Variants in NEDD9 observed in about 807,000 individuals in gnomAD.
NEDD9 encodes the protein neural precursor cell expressed, developmentally down-regulated 9.
In NEDD9, 26 loss-of-function variants were observed where a neutral mutation model predicts 76.6. The observed-to-expected ratio is 0.34, with a 90% CI of 0.25 to 0.47. The LOEUF (loss-of-function observed/expected upper bound fraction) is 0.47. Ranked by LOEUF, NEDD9 falls within the 20% of genes least tolerant of loss-of-function variation. The pLI, the probability that NEDD9 is intolerant of heterozygous loss-of-function variation, is 1.00. For missense variants in NEDD9, 937 were observed against 1,058.5 expected, an observed-to-expected ratio of 0.89 and a Z score of 1.59; for synonymous variants, 392 against 414.2, an observed-to-expected ratio of 0.95 and a Z score of 0.65.
chr6:11,283,433 A>G (rs1760578692), intron 3 of NEDD9, among the ~76,000 whole-genome samples: 1 of 152,202 alleles, frequency 6.6e-6, no homozygotes, highest in Admixed American at 6.5e-5. Context: ...GAATGAATGA[A>G]TGAATGGCTC....
At chr6:11,323,641 A>G (rs1255667600) in intron 2 of NEDD9, among the ~76,000 whole-genome samples, 2 of 152,208 alleles carry the variant, frequency 1.3e-5, no homozygotes, top group African/African-American at 2.4e-5. Flanking sequence ...TCTGGCCCCA[A>G]ATGTTCATGG....
At chr6:11,353,257 G>A (rs535552100) in intron 1 of NEDD9, among the ~76,000 whole-genome samples, 7 of 152,182 alleles carry the variant, frequency 4.6e-5, no homozygotes, top group African/African-American at 1.2e-4. Flanking sequence ...TTGCACCTGC[G>A]AATGTGACTT....
chr6:11,274,814 T>A (rs1561813217), intron 3 of NEDD9, among the ~76,000 whole-genome samples: 1 of 152,174 alleles, frequency 6.6e-6, no homozygotes, highest in Admixed American at 6.5e-5. Context: ...GGGAAATTCC[T>A]CAAAAAATTA....
intron 3 of NEDD9, among the ~76,000 whole-genome samples, chr6:11,300,742 A>G (rs1159702270): frequency 6.6e-6 from 1 of 152,224 alleles, no homozygotes; most frequent in Non-Finnish European, 1.5e-5. Flanking sequence ...TTCAACCCAG[A>G]ATCTCATATC....
At chr6:11,300,716 C>A (rs1029080765) in intron 3 of NEDD9, among the ~76,000 whole-genome samples, 1 of 152,196 alleles carries the variant, frequency 6.6e-6, no homozygotes, top group Non-Finnish European at 1.5e-5. Flanking sequence ...ATTCAACATT[C>A]TTAAAGAAAA....
Position 11,380,942 on chromosome 6 carries a change from G to A in NEDD9, c.-214+1197C>T, listed in dbSNP as rs557259992. Among the ~76,000 whole-genome samples the A allele has an allele frequency of 2.6e-5, 4 of 152,224 alleles. No homozygotes were observed. In the East Asian group the frequency reaches 5.8e-4, roughly 22 times the overall value. Reference sequence around the variant, plus strand: ...TCCCGCCTTAGCCTCCTGCATAGCCGGGACTATAGGCATACACCACCGTGC... The same window carrying A: ...TCCCGCCTTAGCCTCCTGCATAGCCAGGACTATAGGCATACACCACCGTGC... On this transcript the variant is annotated intron_variant, in intron 1 of 3. Transcript: ENST00000397378.
At chr6:11,327,352 G>A (rs1761948765) in intron 2 of NEDD9, among the ~76,000 whole-genome samples, 1 of 152,204 alleles carries the variant, frequency 6.6e-6, no homozygotes, top group African/African-American at 2.4e-5. Flanking sequence ...CAGAACTTTT[G>A]TCAGCATTGA....
At chr6:11,338,920 CAAA>C (rs34260918) in intron 1 of NEDD9, among the ~76,000 whole-genome samples, 2 of 77,562 alleles carry the variant, frequency 2.6e-5, no homozygotes, top group Non-Finnish European at 3.1e-5. Context: ...GACTCTGTCT[CAAA>C]AAAAAAAAAA....
At chr6:11,297,673 A>C (rs1760930197) in intron 3 of NEDD9, among the ~76,000 whole-genome samples, 1 of 152,188 alleles carries the variant, frequency 6.6e-6, no homozygotes, top group South Asian at 2.1e-4. Flanking sequence ...ATGTGCTATA[A>C]AACTCAGGAA....
chr6:11,232,745 A>T, upstream of NEDD9: 1 of 1,413,572 alleles, frequency 7.1e-7, no homozygotes, highest in Non-Finnish European at 9.2e-7. Flanking sequence ...TAGTGGGACA[A>T]GGTAATGCTC....
chr6:11,297,171 G>A (rs1288063361), intron 3 of NEDD9, among the ~76,000 whole-genome samples: 1 of 145,390 alleles, frequency 6.9e-6, no homozygotes, highest in African/African-American at 2.5e-5. Flanking sequence ...TTCTGAGCCA[G>A]CCCCTTTATT....
intron 3 of NEDD9, among the ~76,000 whole-genome samples, chr6:11,282,760 C>G (rs1281999824): frequency 6.6e-6 from 1 of 152,228 alleles, no homozygotes; most frequent in African/African-American, 2.4e-5. Flanking sequence ...ATATCTCTCT[C>G]CTGAGCTACG....
intron 3 of NEDD9, among the ~76,000 whole-genome samples, chr6:11,259,932 C>T (rs1760074218): frequency 1.5e-4 from 2 of 13,010 alleles, no homozygotes; most frequent in South Asian, 3.6e-3. Flanking sequence ...TGACTGCGCC[C>T]TTAACACACA....
At chr6:11,293,464 A>T (rs926476241) in intron 3 of NEDD9, among the ~76,000 whole-genome samples, 14 of 151,900 alleles carry the variant, frequency 9.2e-5, no homozygotes, top group African/African-American at 3.4e-4. Context: ...TTTGTTTTCT[A>T]TCCCCCCCTC....
chr6:11,302,606 A>G (rs1368002150), intron 3 of NEDD9, among the ~76,000 whole-genome samples: 2 of 152,220 alleles, frequency 1.3e-5, no homozygotes, highest in Non-Finnish European at 2.9e-5. Context: ...CATTGATGCA[A>G]AAATCCTCAA....
intron 1 of NEDD9, among the ~76,000 whole-genome samples, chr6:11,367,529 C>T (rs1203159421): frequency 6.6e-6 from 1 of 152,234 alleles, no homozygotes; most frequent in African/African-American, 2.4e-5. Flanking sequence ...AGAGGACCAA[C>T]TGCATCTATC....
At chr6:11,195,567 T>G (rs1260831056) in intron 2 of NEDD9, among the ~76,000 whole-genome samples, 1 of 152,254 alleles carries the variant, frequency 6.6e-6, no homozygotes, top group African/African-American at 2.4e-5. Flanking sequence ...TCATAGCACC[T>G]GCTCATAGTG....
intron 1 of NEDD9, among the ~76,000 whole-genome samples, chr6:11,347,416 A>C (rs1047531299): frequency 2.0e-5 from 3 of 152,228 alleles, no homozygotes; most frequent in African/African-American, 4.8e-5. Flanking sequence ...TTCCCAACTC[A>C]TTCTATGAAG....
At chr6:11,299,697 C>T (rs969727935) in intron 3 of NEDD9, among the ~76,000 whole-genome samples, 31 of 152,180 alleles carry the variant, frequency 2.0e-4, no homozygotes, top group African/African-American at 5.1e-4. Context: ...CTGCAGCCTC[C>T]GCTGGTGATA....
Sources: gnomAD v4.1 joint callset for allele counts (sites outside exome capture counted in the v4.1 genomes callset) on GRCh38, gnomAD v4.1.1 for gene constraint, MANE v1.5 for transcripts, NCBI Gene and HGNC (gene_info 2026-07-23, HGNC 2026-07-21) for gene names.